CACNA1I: variants seen among roughly 807,000 people sequenced by gnomAD.
CACNA1I encodes voltage-dependent T-type calcium channel subunit alpha-1I.
In CACNA1I, 74 loss-of-function variants were observed where a neutral mutation model predicts 201.6. The ratio of observed to expected loss-of-function variants is 0.37; its 90% CI spans 0.30 to 0.45. The LOEUF (loss-of-function observed/expected upper bound fraction) is 0.45, where lower values mean the gene tolerates loss of function less well. Among genes scored for constraint, CACNA1I ranks in the 20% least tolerant of loss-of-function variants. The pLI is 1.00. For synonymous variants in CACNA1I, 1,431 were observed against 1,345.2 expected (o/e 1.06, Z -1.40); for missense variants, 2,346 against 3,138.1 (o/e 0.75, Z 6.03).
At chr22:39,680,555 G>A (rs1392475019) in intron 33 of CACNA1I, among the ~76,000 whole-genome samples, 2 of 152,170 alleles carry the variant, frequency 1.3e-5, no homozygotes, top group African/African-American at 4.8e-5. Context: ...CCTGTGACAC[G>A]CTGTGCAGGT....
At chr22:39,600,745 G>A (rs751530800) in intron 3 of CACNA1I, 92 bp downstream of exon 3, 46 of 1,432,876 alleles carry the variant, frequency 3.2e-5, no homozygotes, top group Non-Finnish European at 4.1e-5. Flanking sequence ...GCGATGAAGG[G>A]GAATCACGGT....
intron 4 of CACNA1I, among the ~76,000 whole-genome samples, chr22:39,628,011 C>T (rs1601475365): frequency 6.6e-6 from 1 of 152,148 alleles, no homozygotes. Context: ...CAGGAAAGAG[C>T]AGCCTGGACC....
At chr22:39,635,504 G>A (rs73885294) in intron 5 of CACNA1I, among the ~76,000 whole-genome samples, 294 of 152,310 alleles carry the variant, frequency 1.9e-3, no homozygotes, top group African/African-American at 5.4e-3. Flanking sequence ...TCTCCCTCCC[G>A]GCCTGGTTGG....
chr22:39,670,095 G>A lies in CACNA1I; in HGVS notation c.4252G>A (p.Val1418Ile), dbSNP rs770472437. The A allele has an allele frequency of 1.2e-6, 2 of 1,613,604 alleles. No homozygotes were observed. The highest frequency in any genetic ancestry group is 1.7e-6 in the Non-Finnish European group (2 of 1,179,878). The change falls in exon 25 of 37, where the codon GTC becomes ATC. Residue 1418 changes from valine (V) to isoleucine (I), a missense_variant. Physicochemically the swap from Val to Ile is conservative, Grantham distance 29. Coordinates refer to ENST00000402142, the MANE Select transcript of CACNA1I (RefSeq NM_021096.4). The part of the protein sequence containing the change: ...LLYFISFLLI[V>I]SFFVLNMFVG... ...GTACTTCATCTCCTTCCTGCTCATC[G>A]TCAGCTTCTTTGTGCTCAACATGTT...
chr22:39,626,699 C>T (rs899624924), intron 4 of CACNA1I, among the ~76,000 whole-genome samples: 5 of 152,014 alleles, frequency 3.3e-5, no homozygotes, highest in African/African-American at 7.3e-5. Context: ...TGGGTTCAAG[C>T]GATTCTCCTG....
chr22:39,668,468 G>C (rs1935262917), intron 24 of CACNA1I, 87 bp downstream of exon 24: 1 of 813,456 alleles, frequency 1.2e-6, no homozygotes, highest in Admixed American at 2.0e-5. Flanking sequence ...TGAAACTGGT[G>C]CCAATGAGTT....
chr22:39,598,942 T>TTTG (rs1932957532), intron 2 of CACNA1I, among the ~76,000 whole-genome samples: 2 of 4,782 alleles, frequency 4.2e-4, no homozygotes, highest in South Asian at 0.021. Flanking sequence ...GCCTCTTGGG[T>TTTG]TTTTTTTTTT....
At chr22:39,618,287 G>GT (rs1933615504) in intron 3 of CACNA1I, among the ~76,000 whole-genome samples, 2 of 26,110 alleles carry the variant, frequency 7.7e-5, no homozygotes, top group East Asian at 1.8e-3. Flanking sequence ...CTGTGTGTGT[G>GT]ACTGTGTGTG....
rs752886989 is a variant in CACNA1I, at chr22:39,649,037, G to A, written c.1568-464G>A. On this transcript the variant is annotated intron_variant, in intron 9 of 36. Transcript: ENST00000402142. This position sits in a 1 kb window ranked among gnomAD's most constrained non-coding sequence, Gnocchi z 7.3. ...ACCCCTTCCCCGCTCCCCACCTGCT[G>A]TATAGGCAGGAGACTTGAGAACACC... Among the ~76,000 whole-genome samples, 1 of 152,186 alleles carries A rather than the reference G, an allele frequency of 6.6e-6. No homozygotes were observed. The highest frequency in any genetic ancestry group is 6.5e-5 in the Admixed American group (1 of 15,286).
intron 31 of CACNA1I, 119 bp downstream of exon 31, chr22:39,678,227 A>C: frequency 8.3e-7 from 1 of 1,201,142 alleles, no homozygotes; most frequent in African/African-American, 1.5e-5. Flanking sequence ...AGGGGCATGC[A>C]GGGCACGGAG....
At chr22:39,631,706 C>G (rs899603482) in intron 4 of CACNA1I, among the ~76,000 whole-genome samples, 3 of 152,216 alleles carry the variant, frequency 2.0e-5, no homozygotes, top group Admixed American at 6.5e-5. Flanking sequence ...TCTCCTCTGT[C>G]TGCTTTTCTC....
chr22:39,654,030 C>G (rs1934739820), intron 10 of CACNA1I, among the ~76,000 whole-genome samples: 1 of 152,206 alleles, frequency 6.6e-6, no homozygotes, highest in African/African-American at 2.4e-5. Flanking sequence ...GGCCTGATTC[C>G]TTCATCATCA....
chr22:39,664,773 C>T lies in CACNA1I; in HGVS notation c.3701C>T (p.Ala1234Val). The T allele has an allele frequency of 6.3e-7, 1 of 1,596,044 alleles. No homozygotes were observed. The highest frequency in any genetic ancestry group is 8.5e-7 in the Non-Finnish European group (1 of 1,171,086). ...CTGGGCCTGTACTTCGGCGAGCAGG[C>T]GTACCTACGCAGCAGCTGGAACGTG... ...VSLGLYFGEQ[A>V]YLRSSWNVLD... The change falls in exon 21 of 37, where the codon GCG becomes GTG. Residue 1234 changes from alanine to valine, a missense_variant. Physicochemically the swap from Ala to Val is moderately conservative, Grantham distance 64. Transcript: ENST00000402142.
intron 4 of CACNA1I, among the ~76,000 whole-genome samples, chr22:39,621,670 G>T (rs547002753): frequency 1.3e-5 from 2 of 152,132 alleles, no homozygotes; most frequent in African/African-American, 2.4e-5. Flanking sequence ...GTCACAATAC[G>T]ATAGAAAACG....
rs563011378 is a variant in CACNA1I at position 39,601,427 on chromosome 22, C to A, written c.482+774C>A. Among the ~76,000 whole-genome samples, 263 of 152,292 alleles carry A rather than the reference C, an allele frequency of 1.7e-3. 1 individual carries two copies. Among genetic ancestry groups the A allele is most frequent in the African/African-American group, 6.1e-3 (252 of 41,564 alleles). ...CATTTAACACAGCAGCCCGACTGAGCCAAGCTGGGGACTTGGGGGCTTGAG... is the reference window on the plus strand; with the variant it reads ...CATTTAACACAGCAGCCCGACTGAGACAAGCTGGGGACTTGGGGGCTTGAG... On this transcript the variant is annotated intron_variant, in intron 3 of 36. Coordinates refer to ENST00000402142, the MANE Select transcript of CACNA1I (RefSeq NM_021096.4).
At chr22:39,653,374 C>T (rs540595405) in intron 10 of CACNA1I, among the ~76,000 whole-genome samples, 1 of 152,330 alleles carries the variant, frequency 6.6e-6, no homozygotes, top group South Asian at 2.1e-4. Context: ...TGCGCAGGGC[C>T]TGACTATGGG....
intron 35 of CACNA1I, 47 bp downstream of exon 35, chr22:39,682,708 C>T (rs750773451): frequency 1.9e-6 from 3 of 1,551,760 alleles, no homozygotes; most frequent in Admixed American, 1.8e-5. Context: ...TCATCTTGGG[C>T]ATCTGCTTCA....
Position 39,649,636 on chromosome 22 carries a change from G to A in CACNA1I, c.1703G>A (p.Gly568Asp), listed in dbSNP as rs1193209719. The change falls in exon 10 of 37, where the codon GGC becomes GAC. Residue 568 changes from glycine to aspartate, a missense_variant. Coordinates refer to ENST00000402142, the MANE Select transcript of CACNA1I (RefSeq NM_021096.4). This position sits in a 1 kb window ranked among gnomAD's most constrained non-coding sequence, Gnocchi z 7.3. Reference protein sequence around the residue: ...HEDGRRPSGLGSTDSGQEGSG... With the variant: ...HEDGRRPSGLDSTDSGQEGSG... The stretch of plus-strand genomic sequence containing the variant: ...GACGGCCGGCGGCCCTCGGGCCTGG[G>A]CAGCACCGACTCGGGCCAGGAGGGC... 6.5e-7 allele frequency: 1 copy of A among 1,528,074 alleles called. No individual in the cohort carries two copies. Among genetic ancestry groups the A allele is most frequent in the Non-Finnish European group, 8.8e-7 (1 of 1,135,832 alleles). 94.7% of individuals were successfully genotyped at this position (1,528,074 alleles called of 1,614,324 possible). A position where few individuals can be genotyped will look rare whatever the true frequency, so the allele number is the denominator to read the frequency against.
chr22:39,637,010 G>T (rs545100468), intron 5 of CACNA1I, among the ~76,000 whole-genome samples: 1 of 152,216 alleles, frequency 6.6e-6, no homozygotes, highest in Non-Finnish European at 1.5e-5. Context: ...AGGGCCAACA[G>T]CAAGGCTTCC....
Sources: allele counts gnomAD v4.1 joint callset (sites outside exome capture counted in the v4.1 genomes callset), GRCh38; gene constraint gnomAD v4.1.1; non-coding constraint Gnocchi (gnomAD v3.1); transcripts MANE v1.5; gene names NCBI Gene and HGNC (gene_info 2026-07-23, HGNC 2026-07-21).